The following P2RY8 variants were observed in gnomAD, a reference collection of about 807,000 sequenced individuals.
P2RY8 encodes the protein P2Y receptor family member 8, also known as S-geranylgeranyl-glutathione receptor P2RY8.
P2RY8 carries 6 observed loss-of-function variants against 10.0 expected under a neutral mutation model. The observed-to-expected ratio is 0.60, with a 90% confidence interval of 0.33 to 1.19. The LOEUF is 1.19. P2RY8 is among the 50% of genes most tolerant of loss of function. P2RY8 has a pLI of 0.04. For synonymous variants in P2RY8, 276 were observed against 252.5 expected (o/e 1.09, Z -0.88); for missense variants, 456 against 542.0 (o/e 0.84, Z 1.58).
rs1451923738 is a variant in P2RY8, at chrX:1,521,746, GGGTATTTGGT to G, written c.-25+15165_-25+15174del. ...GAAGCCAGTCAGCCGCACCTCAGCTGGGTATTTGGTGGTATTTGGTGGAGGTTTCAGAAAC... is the reference window on the plus strand; with the variant it reads ...GAAGCCAGTCAGCCGCACCTCAGCTGGGTATTTGGTGGAGGTTTCAGAAAC... On this transcript the variant is annotated intron_variant, in intron 1 of 1. Transcript: ENST00000381297. 4.5e-3 allele frequency among the ~76,000 whole-genome samples: 678 copies of G among 152,138 alleles called. 6 individuals carry two copies. Among genetic ancestry groups the G allele is most frequent in the Non-Finnish European group, 5.3e-3 (358 of 67,980 alleles).
chrX:1,498,268 T>G (rs1225108687), intron 1 of P2RY8, among the ~76,000 whole-genome samples: 1 of 151,094 alleles, frequency 6.6e-6, no homozygotes, highest in African/African-American at 2.4e-5. Flanking sequence ...TAGCCGGGTG[T>G]GGTGGCGGGT....
At chrX:1,467,566 G>A (rs2091705731) in intron 1 of P2RY8, among the ~76,000 whole-genome samples, 3 of 152,242 alleles carry the variant, frequency 2.0e-5, no homozygotes, top group Admixed American at 1.3e-4. Context: ...AAGGAGAGAC[G>A]CTTTATCCAT....
chrX:1,535,995 C>T (rs1247498265), intron 1 of P2RY8, among the ~76,000 whole-genome samples: 2 of 152,018 alleles, frequency 1.3e-5, no homozygotes, highest in Non-Finnish European at 2.9e-5. Flanking sequence ...CTCCCTGGCA[C>T]CGAGGGGGTG....
intron 1 of P2RY8, among the ~76,000 whole-genome samples, chrX:1,468,024 C>G (rs1481223171): frequency 1.3e-5 from 2 of 152,084 alleles, no homozygotes; most frequent in Non-Finnish European, 2.9e-5. Flanking sequence ...CTACATTTCC[C>G]AGGCTGGTCT....
chrX:1,489,690 G>A, intron 1 of P2RY8, among the ~76,000 whole-genome samples: 1 of 151,804 alleles, frequency 6.6e-6, no homozygotes, highest in Non-Finnish European at 1.5e-5. Context: ...TTCTGCAAAT[G>A]TAGAGAGAAT....
Position 1,465,434 on chromosome X carries a change from A to ATCTCCAAGCTGCGCCCCCGGC in P2RY8, c.*24_*44dup, listed in dbSNP as rs771363701. 19 of 1,553,038 alleles carry ATCTCCAAGCTGCGCCCCCGGC rather than the reference A, an allele frequency of 1.2e-5. No homozygotes were observed. Among genetic ancestry groups the ATCTCCAAGCTGCGCCCCCGGC allele is most frequent in the South Asian group, 2.4e-5 (2 of 82,048 alleles). ...CCGTGGCCTCTCCATGCGCCCCTGG[A>ATCTCCAAGCTGCGCCCCCGGC]TCTCCAAGCTGCGCCCCCGGCTCTC... On this transcript the variant is annotated 3_prime_UTR_variant, in exon 2 of 2. Transcript: ENST00000381297.
At position 1,513,140 on chromosome X, in the gene P2RY8, TGTTA is replaced by T. The variant is rs1364875307; in HGVS notation, c.-25+23777_-25+23780del. On this transcript the variant is annotated intron_variant, in intron 1 of 1. Coordinates refer to ENST00000381297, the MANE Select transcript of P2RY8 (RefSeq NM_178129.5). ...TGCGGCATTTCATTTTCTGTTCTTG[TGTTA>T]GTTTGCTGAGAGTGACTTTCTGGCT... 1.3e-4 allele frequency among the ~76,000 whole-genome samples: 20 copies of T among 151,846 alleles called. No homozygotes were observed. The East Asian group carries it at 3.9e-3, about 29-fold the overall frequency.
intron 1 of P2RY8, among the ~76,000 whole-genome samples, chrX:1,499,163 CTTTTTTTTTT>C (rs1163119480): frequency 2.1e-5 from 1 of 48,438 alleles, no homozygotes; most frequent in African/African-American, 5.3e-5. Flanking sequence ...TTTTTCTTTT[CTTTTTTTTTT>C]TTTTTTTTGA....
chrX:1,466,491 G>C lies in P2RY8; in HGVS notation c.68C>G (p.Ala23Gly). Residue 23 changes from alanine to glycine, a missense_variant, in exon 2 of 2, where the codon GCG becomes GGG. Physicochemically the swap from Ala to Gly is moderately conservative, Grantham distance 60 (BLOSUM62 0). Coordinates refer to ENST00000381297, the MANE Select transcript of P2RY8 (RefSeq NM_178129.5). ...TLQMLRNPAIAVALPVVYSLV... is the reference protein window; with the variant it reads ...TLQMLRNPAIGVALPVVYSLV... ...CGAGTACACCACGGGCAGGGCCACC[G>C]CGATCGCCGGGTTCCGCAGCATCTG... The C allele has an allele frequency of 6.2e-7, 1 of 1,611,354 alleles. No homozygotes were observed. Among genetic ancestry groups the C allele is most frequent in the Non-Finnish European group, 8.5e-7 (1 of 1,179,714 alleles).
At chrX:1,526,743 A>C (rs2092442891) in intron 1 of P2RY8, among the ~76,000 whole-genome samples, 1 of 152,108 alleles carries the variant, frequency 6.6e-6, no homozygotes, top group East Asian at 1.9e-4. Context: ...CTACTCATTC[A>C]TTCATCCATT....
chrX:1,524,086 A>C (rs1398767292), intron 1 of P2RY8, among the ~76,000 whole-genome samples: 1 of 152,026 alleles, frequency 6.6e-6, no homozygotes, highest in African/African-American at 2.4e-5. Flanking sequence ...TTGGCATTGG[A>C]GTGTCTACAC....
intron 1 of P2RY8, among the ~76,000 whole-genome samples, chrX:1,535,934 C>T (rs2092522960): frequency 6.6e-6 from 1 of 152,036 alleles, no homozygotes; most frequent in Non-Finnish European, 1.5e-5. Flanking sequence ...GGTTTCTAAG[C>T]GGACCTGTAC....
At chrX:1,481,635 CCAGCTT>C (rs1569536931) in intron 1 of P2RY8, among the ~76,000 whole-genome samples, 59 of 121,680 alleles carry the variant, frequency 4.8e-4, no homozygotes, top group African/African-American at 2.4e-3. Flanking sequence ...TTAGGAGAGT[CCAGCTT>C]TGGGTTTAGT....
chrX:1,524,741 GCATCCATC>G (rs752476090), intron 1 of P2RY8, among the ~76,000 whole-genome samples: 14,055 of 59,052 alleles, frequency 0.24, 1,748 homozygotes, highest in African/African-American at 0.26. Flanking sequence ...ATACATCCAT[GCATCCATC>G]CATCCATCCA....
intron 1 of P2RY8, among the ~76,000 whole-genome samples, chrX:1,505,316 C>A (rs1201010262): frequency 1.3e-5 from 2 of 152,072 alleles, no homozygotes; most frequent in South Asian, 2.1e-4. Context: ...GAGAAGGAAG[C>A]AACAGAGGGC....
rs778175907 is a variant in P2RY8 at position 1,512,520 on chromosome X, C to T, written c.-25+24401G>A. 6.0e-3 allele frequency among the ~76,000 whole-genome samples: 764 copies of T among 126,410 alleles called. 4 individuals are homozygous for T. Among genetic ancestry groups the T allele is most frequent in the Non-Finnish European group, 9.6e-3 (607 of 63,378 alleles). 82.9% of individuals were successfully genotyped at this position (126,410 alleles called of 152,430 possible). On this transcript the variant is annotated intron_variant, in intron 1 of 1. Coordinates refer to ENST00000381297, the MANE Select transcript of P2RY8 (RefSeq NM_178129.5). ...TGAGATCATGCCATTGCACTCCAGCCTGGGCAACAGAGTGAGACTCCGTCT... is the reference window on the plus strand; with the variant it reads ...TGAGATCATGCCATTGCACTCCAGCTTGGGCAACAGAGTGAGACTCCGTCT...
chrX:1,512,266 G>A (rs1483884764), intron 1 of P2RY8, among the ~76,000 whole-genome samples: 1 of 152,124 alleles, frequency 6.6e-6, no homozygotes, highest in African/African-American at 2.4e-5. Flanking sequence ...GACATACCTG[G>A]CTGGGCGCAG....
intron 1 of P2RY8, among the ~76,000 whole-genome samples, chrX:1,475,228 T>C (rs1230067414): frequency 6.8e-6 from 1 of 147,036 alleles, no homozygotes; most frequent in African/African-American, 2.5e-5. Flanking sequence ...GATGGATGGA[T>C]GAGTGGGTGG....
At chrX:1,517,119 G>A (rs77171328) in intron 1 of P2RY8, among the ~76,000 whole-genome samples, 129,575 of 150,576 alleles carry the variant, frequency 0.86, 56,036 homozygotes, top group East Asian at 1. Context: ...CCTTAATCTT[G>A]GATTTCCAGC....
Sources: gnomAD v4.1 joint callset for allele counts (sites outside exome capture counted in the v4.1 genomes callset) on GRCh38, gnomAD v4.1.1 for gene constraint, MANE v1.5 for transcripts, NCBI Gene and HGNC (gene_info 2026-07-23, HGNC 2026-07-21) for gene names.